Variants in HTT observed in about 807,000 individuals in gnomAD.
The protein encoded by HTT is huntingtin, also known as huntington disease protein.
In HTT, 104 loss-of-function variants were observed where a neutral mutation model predicts 362.3. The ratio of observed to expected loss-of-function variants is 0.29; its 90% CI spans 0.24 to 0.34. The LOEUF (loss-of-function observed/expected upper bound fraction) is 0.34. Among genes scored for constraint, HTT ranks in the 10% least tolerant of loss-of-function variants. HTT has a pLI of 1.00. For synonymous variants in HTT, 1,577 were observed against 1,548.7 expected, an observed-to-expected ratio of 1.02 and a Z score of -0.43; for missense variants, 3,301 against 3,928.6, an observed-to-expected ratio of 0.84 and a Z score of 4.27.
At chr4:3,089,837 A>G (rs187588009) in intron 2 of HTT, among the ~76,000 whole-genome samples, 1 of 152,344 alleles carries the variant, frequency 6.6e-6, no homozygotes, top group Non-Finnish European at 1.5e-5. Flanking sequence ...TGCCATATTA[A>G]ATCAAAATAA....
intron 66 of HTT, among the ~76,000 whole-genome samples, chr4:3,239,522 C>T (rs989136608): frequency 6.6e-5 from 10 of 152,246 alleles, no homozygotes; most frequent in African/African-American, 9.6e-5. Flanking sequence ...GTGCCTGGCA[C>T]GGCTCTGCCC....
intron 47 of HTT, 85 bp from the exon 48 acceptor site, chr4:3,211,844 C>T (rs916932958): frequency 1.0e-6 from 1 of 996,270 alleles, no homozygotes; most frequent in African/African-American, 1.6e-5. Context: ...TTGCCTTATT[C>T]TTTTTTCTGT....
At chr4:3,140,752 A>G in intron 22 of HTT, 96 bp downstream of exon 22, 1 of 1,240,438 alleles carries the variant, frequency 8.1e-7, no homozygotes, top group Non-Finnish European at 1.1e-6. Flanking sequence ...ATTTTCTAGA[A>G]AAAAGCTTCA....
intron 10 of HTT, among the ~76,000 whole-genome samples, chr4:3,124,280 A>T (rs897391636): frequency 6.6e-6 from 1 of 152,206 alleles, no homozygotes; most frequent in South Asian, 2.1e-4. Flanking sequence ...GAGAACGAAG[A>T]TGACTGATTC....
At chr4:3,216,316 G>T (rs555297392) in intron 51 of HTT, among the ~76,000 whole-genome samples, 1 of 152,270 alleles carries the variant, frequency 6.6e-6, no homozygotes, top group South Asian at 2.1e-4. Context: ...GTGATTTCAT[G>T]ATTTCTTGTT....
At chr4:3,090,989 G>A (rs1297918744) in intron 2 of HTT, among the ~76,000 whole-genome samples, 3 of 152,216 alleles carry the variant, frequency 2.0e-5, no homozygotes, top group South Asian at 4.1e-4. Context: ...GTGCATGCCT[G>A]TAGTCCCAGC....
rs113106141 is a variant in HTT at position 3,116,093 on chromosome 4, G to A, written c.898G>A (p.Val300Ile). Reference protein sequence around the residue: ...WLLNVLLGLLVPVEDEHSTLL... With the variant: ...WLLNVLLGLLIPVEDEHSTLL... ...TGCTTCCACCCCCACAGGCTTACTC[G>A]TTCCTGTCGAGGATGAACACTCCAC... The change falls in exon 8 of 67, where the codon GTT (valine) becomes ATT (isoleucine). Residue 300 changes from valine (V) to isoleucine (I), a missense_variant. Physicochemically the swap from Val to Ile is conservative, Grantham distance 29. This residue lies in a region of HTT where 2,316 missense variants were observed against 2,658.5 expected (regional missense o/e 0.87). Coordinates refer to ENST00000355072, the MANE Select transcript of HTT (RefSeq NM_001388492.1). The A allele has an allele frequency of 3.9e-5, 62 of 1,609,452 alleles. No individual in the cohort carries two copies. The East Asian group carries it at 1.0e-3, about 26-fold the overall frequency.
intron 21 of HTT, among the ~76,000 whole-genome samples, chr4:3,136,765 A>T (rs1716085606): frequency 6.6e-6 from 1 of 152,218 alleles, no homozygotes; most frequent in Non-Finnish European, 1.5e-5. Flanking sequence ...GTTATGAAAC[A>T]GTAATTTTAG....
intron 51 of HTT, 115 bp from the exon 52 acceptor site, chr4:3,217,650 G>C (rs1720475589): frequency 2.3e-6 from 2 of 867,248 alleles, no homozygotes; most frequent in Non-Finnish European, 3.6e-6. Context: ...CCAACTCAGA[G>C]TCTAAGTGGA....
chr4:3,148,809 T>C lies in HTT; in HGVS notation c.3498+602T>C, dbSNP rs530230611. 2.0e-5 allele frequency among the ~76,000 whole-genome samples: 3 copies of C among 149,404 alleles called. No individual in the cohort carries two copies. In the South Asian group the frequency reaches 6.4e-4, roughly 32 times the overall value. On this transcript the variant is annotated intron_variant, in intron 26 of 66. Coordinates refer to ENST00000355072, the MANE Select transcript of HTT (RefSeq NM_001388492.1). ...CGAGACTCCGTCTCAAAAAAAAAAT[T>C]AGATGGGCATGGTGGTGCGTGCCTG...
intron 10 of HTT, among the ~76,000 whole-genome samples, chr4:3,124,284 C>A (rs931591636): frequency 6.6e-6 from 1 of 152,202 alleles, no homozygotes. Flanking sequence ...ACGAAGATGA[C>A]TGATTCACAT....
chr4:3,132,550 T>TGA lies in HTT; in HGVS notation c.2237-12_2237-11insGA, dbSNP rs1416129581. The TGA allele has an allele frequency of 1.9e-6, 3 of 1,610,742 alleles. No homozygotes were observed. The East Asian group carries it at 6.7e-5, about 36-fold the overall frequency. ...GGGAATTGTTCCATGGCTGAGCAAT[T>TGA]TATCTCCACAGAGGAACAGTATGTC... is the stretch of plus-strand genomic sequence containing the variant. On this transcript the variant is annotated splice_polypyrimidine_tract_variant and intron_variant, in intron 16 of 66. Transcript: ENST00000355072.
Position 3,206,424 on chromosome 4 carries a change from C to T in HTT, c.5719-72C>T, listed in dbSNP as rs1719856483. 24 of 1,216,932 alleles carry T rather than the reference C, an allele frequency of 2.0e-5. No individual in the cohort carries two copies. In the South Asian group the frequency reaches 3.0e-4, roughly 15 times the overall value. 75.4% of individuals were successfully genotyped at this position (1,216,932 alleles called of 1,614,324 possible). On this transcript the variant is annotated intron_variant, in intron 42 of 66. Transcript: ENST00000355072. The surrounding 1 kb of genome is among the most constrained non-coding windows in gnomAD (Gnocchi z 4.6). ...TTTTCTCCTTCTTACCCTTTCTGGCCTTTCTATGGCATTAATACCTGGTCT... is the reference window on the plus strand; with the variant it reads ...TTTTCTCCTTCTTACCCTTTCTGGCTTTTCTATGGCATTAATACCTGGTCT...
chr4:3,188,829 C>T (rs988104150), intron 39 of HTT, 122 bp from the exon 40 acceptor site: 28 of 915,512 alleles, frequency 3.1e-5, no homozygotes, highest in Non-Finnish European at 4.5e-5. Context: ...TTCACTTTAG[C>T]GGTTAATGTA....
At chr4:3,110,677 CAA>C (rs901520349) in intron 6 of HTT, among the ~76,000 whole-genome samples, 9 of 152,160 alleles carry the variant, frequency 5.9e-5, no homozygotes, top group Non-Finnish European at 1.2e-4. Flanking sequence ...CTCAGAAATG[CAA>C]AGTCTTTGCC....
In HTT at chr4:3,074,795, C is replaced by G; in HGVS notation, c.-31C>G. 1 of 1,508,970 alleles carries G rather than the reference C, an allele frequency of 6.6e-7. No individual in the cohort carries two copies. The highest frequency in any genetic ancestry group is 8.8e-7 in the Non-Finnish European group (1 of 1,134,846). The allele number at this position is 1,508,970 out of a possible 1,614,324, so 93.5% of individuals were successfully genotyped here. A position where few individuals can be genotyped will look rare whatever the true frequency, so the allele number is the denominator to read the frequency against. ...GCGCCGCGAGTCGGCCCGAGGCCTC[C>G]GGGGACTGCCGTGCCGGGCGGGAGA... is the stretch of plus-strand genomic sequence containing the variant. On this transcript the variant is annotated 5_prime_UTR_variant, in exon 1 of 67. Coordinates refer to ENST00000355072, the MANE Select transcript of HTT (RefSeq NM_001388492.1).
intron 50 of HTT, among the ~76,000 whole-genome samples, 179 bp downstream of exon 50, chr4:3,214,314 T>C (rs1022275375): frequency 6.6e-6 from 1 of 152,248 alleles, no homozygotes; most frequent in Admixed American, 6.5e-5. Flanking sequence ...TATTGGAGTC[T>C]ACACTGGAAT....
rs1060505027 is a variant in HTT, at chr4:3,177,388, G to A, written c.4463+1G>A. 1 of 1,572,316 alleles carries A rather than the reference G, an allele frequency of 6.4e-7. No individual in the cohort carries two copies. The highest frequency in any genetic ancestry group is 8.6e-7 in the Non-Finnish European group (1 of 1,158,102). On this transcript the variant is annotated splice_donor_variant, in intron 34 of 66. Coordinates refer to ENST00000355072, the MANE Select transcript of HTT (RefSeq NM_001388492.1). LOFTEE classifies it high-confidence loss of function. ...AATACATTGAAGTGGGCCAGTTCAG[G>A]TAATAGCATTTTATTATTTTAGATT...
At chr4:3,096,265 A>C (rs888579408) in intron 2 of HTT, among the ~76,000 whole-genome samples, 1 of 152,244 alleles carries the variant, frequency 6.6e-6, no homozygotes, top group Non-Finnish European at 1.5e-5. Flanking sequence ...GAAACAGACA[A>C]ATCCACAGTG....
Sources: allele counts gnomAD v4.1 joint callset (sites outside exome capture counted in the v4.1 genomes callset), GRCh38; gene constraint gnomAD v4.1.1; regional missense constraint gnomAD v4.1.1; non-coding constraint Gnocchi (gnomAD v3.1); transcripts MANE v1.5; gene names NCBI Gene and HGNC (gene_info 2026-07-23, HGNC 2026-07-21).